DBF4: variants seen among roughly 807,000 people sequenced by gnomAD.
The protein encoded by DBF4 is protein DBF4 homolog A.
Under a neutral mutation model 76.6 loss-of-function variants are expected in DBF4, and 25 were observed. The observed-to-expected ratio is 0.33, with a 90% CI of 0.24 to 0.46. The LOEUF is 0.46. Among genes scored for constraint, DBF4 ranks in the 20% least tolerant of loss-of-function variants. The pLI is 1.00. For missense variants in DBF4, 638 were observed against 760.8 expected (o/e 0.84, Z 1.90); for synonymous variants, 213 against 258.0 (o/e 0.83, Z 1.67).
At chr7:87,888,424 C>G in intron 6 of DBF4, 1 of 669,156 alleles carries the variant, frequency 1.5e-6, no homozygotes, top group Non-Finnish European at 1.8e-6. Context: ...TTCAACTGCT[C>G]TAAATGGTAT....
chr7:87,883,905 A>G (rs1455077363), intron 2 of DBF4, among the ~76,000 whole-genome samples: 4 of 152,070 alleles, frequency 2.6e-5, no homozygotes, highest in African/African-American at 7.2e-5. Flanking sequence ...TATACTATGT[A>G]TTTTTCTAAT....
chr7:87,904,233 A>G, intron 10 of DBF4, 59 bp from the exon 11 acceptor site: 1 of 1,521,110 alleles, frequency 6.6e-7, no homozygotes. Context: ...CCTTAATTAA[A>G]AAGGCATCTC....
rs1326423382 is a variant in DBF4, at chr7:87,876,721, C to T, written c.-12C>T. 5.0e-6 allele frequency: 8 copies of T among 1,614,048 alleles called. No individual in the cohort carries two copies. In the Admixed American group the frequency reaches 6.7e-5, roughly 13 times the overall value. On this transcript the variant is annotated 5_prime_UTR_variant, in exon 1 of 12. Coordinates refer to ENST00000265728, the MANE Select transcript of DBF4 (RefSeq NM_006716.4). ...TTCTCCGGACCCAGCATGTAGGTGC[C>T]GGGCGACTGCCATGAACTCCGGAGC...
In DBF4 at chr7:87,876,720, C is replaced by CA; in HGVS notation, c.-13_-12insA. 6.2e-7 allele frequency: 1 copy of CA among 1,614,032 alleles called. No homozygotes were observed. Among genetic ancestry groups the CA allele is most frequent in the Non-Finnish European group, 8.5e-7 (1 of 1,180,000 alleles). On this transcript the variant is annotated 5_prime_UTR_variant, in exon 1 of 12. Coordinates refer to ENST00000265728, the MANE Select transcript of DBF4 (RefSeq NM_006716.4). The stretch of plus-strand genomic sequence containing the variant: ...TTTCTCCGGACCCAGCATGTAGGTG[C>CA]CGGGCGACTGCCATGAACTCCGGAG...
chr7:87,907,874 AAAT>A lies in DBF4; in HGVS notation c.1741_1743del (p.Ile581del), dbSNP rs1305885786. The A allele has an allele frequency of 1.2e-6, 2 of 1,613,618 alleles. No individual in the cohort carries two copies. The highest frequency in any genetic ancestry group is 1.1e-5 in the South Asian group (1 of 90,860). ...TCTGGTAAAATACATCGAAAAGTGA[AAAT>A]AATATTAGGACGAAATAGAAAAGAA... On this transcript the variant is annotated inframe_deletion, in exon 12 of 12. Transcript: ENST00000265728.
chr7:87,878,470 A>C (rs1273897662), intron 2 of DBF4: 1 of 347,586 alleles, frequency 2.9e-6, no homozygotes, highest in Non-Finnish European at 5.2e-6. Flanking sequence ...CCCCTGTCCT[A>C]GTGGAACTGC....
intron 4 of DBF4, 26 bp downstream of exon 4, chr7:87,886,920 A>G (rs1839369498): frequency 6.3e-6 from 9 of 1,424,538 alleles, no homozygotes; most frequent in Non-Finnish European, 8.7e-6. Context: ...AAAGATTCAC[A>G]TTGTACATTT....
intron 5 of DBF4, 88 bp downstream of exon 5, chr7:87,887,486 T>C: frequency 7.3e-7 from 1 of 1,378,518 alleles, no homozygotes; most frequent in South Asian, 1.4e-5. Flanking sequence ...AGTGAAATTT[T>C]GATAGCAGGG....
chr7:87,901,652 A>G (rs1000043358), intron 10 of DBF4, among the ~76,000 whole-genome samples: 3 of 152,216 alleles, frequency 2.0e-5, no homozygotes, highest in African/African-American at 7.2e-5. Flanking sequence ...GGTATATAGG[A>G]TGAAAATGGG....
Position 87,907,607 on chromosome 7 carries a change from T to TG in DBF4, c.1469_1470insG (p.His491ThrfsTer4). The TG allele has an allele frequency of 6.2e-7, 1 of 1,614,118 alleles. No individual in the cohort carries two copies. Among genetic ancestry groups the TG allele is most frequent in the Non-Finnish European group, 8.5e-7 (1 of 1,179,966 alleles). On this transcript the variant is annotated frameshift_variant, in exon 12 of 12. Transcript: ENST00000265728. LOFTEE classifies it high-confidence loss of function. Reference sequence around the variant, plus strand: ...TATAAATGTAACATACAGGCATCTGTACATGTTTCTGATTTCAGTACAGAT... The same window carrying TG: ...TATAAATGTAACATACAGGCATCTGTGACATGTTTCTGATTTCAGTACAGAT...
intron 7 of DBF4, among the ~76,000 whole-genome samples, chr7:87,896,915 T>C (rs1184473604): frequency 6.6e-6 from 1 of 152,250 alleles, no homozygotes; most frequent in Non-Finnish European, 1.5e-5. Flanking sequence ...TGAAAATATG[T>C]GCAGTTTCTA....
chr7:87,884,779 T>C (rs928936071), intron 2 of DBF4, among the ~76,000 whole-genome samples, 200 bp from the exon 3 acceptor site: 1 of 152,172 alleles, frequency 6.6e-6, no homozygotes. Flanking sequence ...ATGGTTTTTA[T>C]GACCTAGTTG....
rs774743999 is a variant in DBF4, at chr7:87,900,201, T to A, written c.681-20T>A. The A allele has an allele frequency of 1.3e-6, 2 of 1,557,704 alleles. No individual in the cohort carries two copies. Among genetic ancestry groups the A allele is most frequent in the Admixed American group, 1.8e-5 (1 of 55,742 alleles). On this transcript the variant is annotated intron_variant, in intron 8 of 11. Transcript: ENST00000265728. ...TTTAATCATAAAGAATCTCATGTAT[T>A]TGTCTTTTTATTCTTCTAGACTTTA...
intron 11 of DBF4, 74 bp downstream of exon 11, chr7:87,904,490 A>G: frequency 6.6e-7 from 1 of 1,504,404 alleles, no homozygotes; most frequent in Non-Finnish European, 8.9e-7. Flanking sequence ...CTGTAATCCC[A>G]GCACTTTGGG....
At chr7:87,904,024 T>G (rs1035791122) in intron 10 of DBF4, among the ~76,000 whole-genome samples, 21 of 152,236 alleles carry the variant, frequency 1.4e-4, no homozygotes, top group Admixed American at 7.9e-4. Flanking sequence ...CACAGCTCAT[T>G]CTTTTCAGTT....
chr7:87,906,633 C>A (rs1241014181), intron 11 of DBF4, among the ~76,000 whole-genome samples: 1 of 151,986 alleles, frequency 6.6e-6, no homozygotes, highest in Non-Finnish European at 1.5e-5. Context: ...AACTTTGTCA[C>A]CTTTGAAAGT....
chr7:87,888,401 A>G (rs1019881939), intron 6 of DBF4: 5 of 819,480 alleles, frequency 6.1e-6, no homozygotes, highest in African/African-American at 3.8e-5. Context: ...GAATATAAAT[A>G]TGTACTATCC....
intron 6 of DBF4, among the ~76,000 whole-genome samples, chr7:87,888,772 T>G (rs1425613416): frequency 6.6e-6 from 1 of 152,246 alleles, no homozygotes; most frequent in Non-Finnish European, 1.5e-5. Flanking sequence ...CAAATCATTT[T>G]GATACTTTTT....
At chr7:87,877,486 AAAT>A (rs1839096995) in intron 1 of DBF4, among the ~76,000 whole-genome samples, 1 of 152,214 alleles carries the variant, frequency 6.6e-6, no homozygotes, top group African/African-American at 2.4e-5. Flanking sequence ...TTTCTAATGA[AAAT>A]AATGAAAGGT....
Sources: gnomAD v4.1 joint callset for allele counts (sites outside exome capture counted in the v4.1 genomes callset) on GRCh38, gnomAD v4.1.1 for gene constraint, MANE v1.5 for transcripts, NCBI Gene and HGNC (gene_info 2026-07-23, HGNC 2026-07-21) for gene names.